CACNA1E: variants seen among roughly 807,000 people sequenced by gnomAD.
CACNA1E encodes voltage-dependent R-type calcium channel subunit alpha-1E.
CACNA1E carries 40 observed loss-of-function variants against 259.2 expected under a neutral mutation model. The observed-to-expected ratio is 0.15, with a 90% CI of 0.12 to 0.20. The LOEUF is 0.20. Among genes scored for constraint, CACNA1E ranks in the 10% least tolerant of loss-of-function variants. The pLI is 1.00. For synonymous variants in CACNA1E, 1,104 were observed against 1,138.5 expected (o/e 0.97, Z 0.61); for missense variants, 1,874 against 3,040.1 (o/e 0.62, Z 9.02).
intron 2 of CACNA1E, among the ~76,000 whole-genome samples, chr1:181,420,083 T>C (rs1345375242): frequency 1.3e-5 from 2 of 152,124 alleles, no homozygotes; most frequent in African/African-American, 2.4e-5. Context: ...ATCTTGCTCC[T>C]CCCAAGGCCC....
chr1:181,781,157 G>A (rs928288901), intron 38 of CACNA1E, among the ~76,000 whole-genome samples: 1 of 152,150 alleles, frequency 6.6e-6, no homozygotes, highest in African/African-American at 2.4e-5. Context: ...GTTTTCCCGG[G>A]TCTGTGTGGG....
At chr1:181,463,042 C>T (rs1031356732) in intron 2 of CACNA1E, among the ~76,000 whole-genome samples, 2 of 152,190 alleles carry the variant, frequency 1.3e-5, no homozygotes, top group African/African-American at 4.8e-5. Flanking sequence ...TAGGAATACA[C>T]ATTTCCAACT....
chr1:181,754,467 C>T (rs1657889720), intron 27 of CACNA1E, among the ~76,000 whole-genome samples: 2 of 152,194 alleles, frequency 1.3e-5, no homozygotes, highest in Admixed American at 6.5e-5. Context: ...CCTGAAAATG[C>T]CCTGCAATGT....
intron 3 of CACNA1E, among the ~76,000 whole-genome samples, chr1:181,525,645 C>T (rs1201200870): frequency 6.6e-6 from 1 of 152,186 alleles, no homozygotes; most frequent in Admixed American, 6.5e-5. Flanking sequence ...ACCAACCTTT[C>T]CATTTACTAA....
intron 3 of CACNA1E, among the ~76,000 whole-genome samples, chr1:181,554,197 T>G (rs545365054): frequency 6.6e-6 from 1 of 152,184 alleles, no homozygotes; most frequent in Admixed American, 6.6e-5. Flanking sequence ...ATTTCTTGTA[T>G]AGATGAGGTT....
intron 2 of CACNA1E, among the ~76,000 whole-genome samples, chr1:181,424,099 A>G (rs1471250878): frequency 6.6e-6 from 1 of 152,166 alleles, no homozygotes; most frequent in African/African-American, 2.4e-5. Flanking sequence ...AAACCAAAAC[A>G]TATGCCAGTG....
chr1:181,581,545 T>A (rs529204609), intron 6 of CACNA1E, among the ~76,000 whole-genome samples: 1 of 152,294 alleles, frequency 6.6e-6, no homozygotes, highest in East Asian at 1.9e-4. Context: ...TCTGAGTTGG[T>A]CTAGCTGCCT....
Position 181,318,701 on chromosome 1 carries a change from C to T in CACNA1E, c.-15+578C>T, listed in dbSNP as rs148320915. ...GTGGCTGAGCTTGCAGCGAAGTTTC[C>T]GTGAAGGAAACTGCATGTGCCTTTG... On this transcript the variant is annotated intron_variant, in intron 1 of 11. Transcript: ENST00000524607. Among the ~76,000 whole-genome samples, 522 of 152,294 alleles carry T rather than the reference C, an allele frequency of 3.4e-3. 4 individuals carry two copies. Among genetic ancestry groups the T allele is most frequent in the African/African-American group, 0.012 (501 of 41,558 alleles).
At chr1:181,625,435 A>G (rs1656111403) in intron 6 of CACNA1E, among the ~76,000 whole-genome samples, 1 of 152,154 alleles carries the variant, frequency 6.6e-6, no homozygotes, top group Non-Finnish European at 1.5e-5. Context: ...GTCTTTATCA[A>G]TTATCTTAAT....
intron 1 of CACNA1E, among the ~76,000 whole-genome samples, chr1:181,339,688 TA>T (rs1457892254): frequency 6.6e-6 from 1 of 152,108 alleles, no homozygotes; most frequent in Non-Finnish European, 1.5e-5. Context: ...ATCTGAGAGA[TA>T]AAAAATGGTA....
At chr1:181,321,400 G>T (rs191783138) in intron 1 of CACNA1E, among the ~76,000 whole-genome samples, 1 of 152,146 alleles carries the variant, frequency 6.6e-6, no homozygotes, top group South Asian at 2.1e-4. Flanking sequence ...AAGGCAGAGC[G>T]CATGTCACCA....
In CACNA1E at chr1:181,804,167, G is replaced by C. The variant is rs954666997; in HGVS notation, c.*5333G>C. The C allele has an allele frequency of 1.3e-5, 2 of 152,158 alleles. No homozygotes were observed. Among genetic ancestry groups the C allele is most frequent in the Non-Finnish European group, 2.9e-5 (2 of 68,032 alleles). The allele number at this position is 152,158 out of a possible 1,614,324, so 9.4% of individuals were successfully genotyped here. On this transcript the variant is annotated 3_prime_UTR_variant, in exon 48 of 48. Transcript: ENST00000367573. ...TTATGTTTATTTTTATTTGTTTGGG[G>C]TTGTTTGGTTGGTGGCTGGGTTTCT... is the stretch of plus-strand genomic sequence containing the variant.
chr1:181,464,842 C>T (rs1317331836), intron 2 of CACNA1E, among the ~76,000 whole-genome samples: 1 of 152,054 alleles, frequency 6.6e-6, no homozygotes, highest in East Asian at 1.9e-4. Flanking sequence ...GTGAACACCA[C>T]CTTACCTCTG....
chr1:181,739,445 G>A (rs1052620435), intron 25 of CACNA1E, among the ~76,000 whole-genome samples, 192 bp downstream of exon 25: 1 of 152,156 alleles, frequency 6.6e-6, no homozygotes, highest in African/African-American at 2.4e-5. Flanking sequence ...GACCTGAGTG[G>A]CAGAACGGGG....
intron 2 of CACNA1E, among the ~76,000 whole-genome samples, chr1:181,446,744 C>G (rs1307480171): frequency 6.6e-6 from 1 of 152,126 alleles, no homozygotes; most frequent in Non-Finnish European, 1.5e-5. Flanking sequence ...AGCAGATTTT[C>G]ACATGCTGGG....
At chr1:181,642,286 C>T (rs760546890) in intron 6 of CACNA1E, among the ~76,000 whole-genome samples, 23 of 152,150 alleles carry the variant, frequency 1.5e-4, no homozygotes, top group Admixed American at 3.9e-4. Flanking sequence ...GGTTAGAGTA[C>T]TCATATTAGA....
In CACNA1E at chr1:181,485,886, G is replaced by T. The variant is rs61812704; in HGVS notation, c.266+1876G>T. Among the ~76,000 whole-genome samples the T allele has an allele frequency of 0.022, 3,365 of 152,272 alleles. 64 individuals are homozygous for T. The highest frequency in any genetic ancestry group is 0.04 in the South Asian group (194 of 4,818). On this transcript the variant is annotated intron_variant, in intron 1 of 47. Transcript: ENST00000367573. The surrounding 1 kb of genome is among the most constrained non-coding windows in gnomAD (Gnocchi z 4.2). ...AGACAAAGCCGCCCAACCGCCCCGC[G>T]GGTGGCAAAGTGTGCCAGCAGCCAT...
At chr1:181,482,857 C>A (rs1253668358), upstream of CACNA1E, among the ~76,000 whole-genome samples, 1 of 152,268 alleles carries the variant, frequency 6.6e-6, no homozygotes, top group Non-Finnish European at 1.5e-5. Flanking sequence ...GCGGCGCAGC[C>A]GCGGATCGCT....
intron 33 of CACNA1E, among the ~76,000 whole-genome samples, chr1:181,763,126 A>G (rs1263602625): frequency 6.6e-6 from 1 of 152,056 alleles, no homozygotes; most frequent in Non-Finnish European, 1.5e-5. Context: ...TTAAGTGCAG[A>G]CTTCAGGCCA....
Sources: gnomAD v4.1 joint callset for allele counts (sites outside exome capture counted in the v4.1 genomes callset) on GRCh38, gnomAD v4.1.1 for gene constraint, Gnocchi (gnomAD v3.1) non-coding constraint, MANE v1.5 for transcripts, NCBI Gene and HGNC (gene_info 2026-07-23, HGNC 2026-07-21) for gene names.